The following WSCD1 variants were observed in gnomAD, a reference collection of about 807,000 sequenced individuals.
The protein encoded by WSCD1 is sialate:O-sulfotransferase 1.
In WSCD1, 41 loss-of-function variants were observed where a neutral mutation model predicts 60.4. That is an observed-to-expected ratio of 0.68 (90% CI 0.53 to 0.88). The LOEUF is 0.88. Ranked by LOEUF, WSCD1 falls within the 40% of genes least tolerant of loss-of-function variation. WSCD1 has a pLI of 0.00. For synonymous variants in WSCD1, 361 were observed against 332.5 expected (o/e 1.09, Z -0.93); for missense variants, 784 against 796.2 (o/e 0.98, Z 0.18).
chr17:6,073,191 C>T (rs2150524618), intron 1 of WSCD1, among the ~76,000 whole-genome samples: 1 of 152,350 alleles, frequency 6.6e-6, no homozygotes, highest in Non-Finnish European at 1.5e-5. Context: ...ACTCCACTCA[C>T]TTGTCCACCT....
chr17:6,083,081 G>T (rs1389990123), intron 2 of WSCD1, among the ~76,000 whole-genome samples: 1 of 152,206 alleles, frequency 6.6e-6, no homozygotes, highest in African/African-American at 2.4e-5. Flanking sequence ...ACACAGGCAT[G>T]ATTTCTGCAA....
intron 1 of WSCD1, among the ~76,000 whole-genome samples, chr17:6,079,474 G>A (rs1909086856): frequency 1.3e-5 from 2 of 152,212 alleles, no homozygotes; most frequent in South Asian, 4.1e-4. Flanking sequence ...TGAGTCCTGG[G>A]GAGTGGAGAG....
At chr17:6,092,225 G>A (rs1158267695) in intron 4 of WSCD1, among the ~76,000 whole-genome samples, 1 of 151,468 alleles carries the variant, frequency 6.6e-6, no homozygotes, top group Non-Finnish European at 1.5e-5. Flanking sequence ...GAGGGCTGTC[G>A]AGTGAGTTTT....
In WSCD1 at chr17:6,074,018, T is replaced by C. The variant is rs554089117; in HGVS notation, c.-289+3366T>C. ...ATCACTCATTCATTTGTTCATCTGATCATTCATCCAATGCACTTGACAGTT... is the reference window on the plus strand; with the variant it reads ...ATCACTCATTCATTTGTTCATCTGACCATTCATCCAATGCACTTGACAGTT... On this transcript the variant is annotated intron_variant, in intron 1 of 8. Coordinates refer to ENST00000317744, the MANE Select transcript of WSCD1 (RefSeq NM_015253.2). Among the ~76,000 whole-genome samples, 5 of 152,376 alleles carry C rather than the reference T, an allele frequency of 3.3e-5. No homozygotes were observed. In the South Asian group the frequency reaches 8.3e-4, roughly 25 times the overall value.
At chr17:6,077,304 G>A (rs1367825729) in intron 1 of WSCD1, among the ~76,000 whole-genome samples, 1 of 152,068 alleles carries the variant, frequency 6.6e-6, no homozygotes, top group Non-Finnish European at 1.5e-5. Flanking sequence ...GGCCAGGATG[G>A]TCTCCATCTC....
Position 6,080,731 on chromosome 17 carries a change from GC to G in WSCD1, c.75del (p.Tyr26ThrfsTer2). Reference sequence around the variant, plus strand: ...GTTCCTGCTGTTCTTCCTCACGGCTGCCTACCTGATGACCGGCAGCCTGCTG... The same window carrying G: ...GTTCCTGCTGTTCTTCCTCACGGCTGCTACCTGATGACCGGCAGCCTGCTG... ...TQFLLFFLTA[A>X]YLMTGSLLLL... On this transcript the variant is annotated frameshift_variant, in exon 2 of 9. Coordinates refer to ENST00000317744, the MANE Select transcript of WSCD1 (RefSeq NM_015253.2). LOFTEE classifies it high-confidence loss of function. This position sits in a 1 kb window ranked among gnomAD's most constrained non-coding sequence, Gnocchi z 6.6. 3 of 1,613,270 alleles carry G rather than the reference GC, an allele frequency of 1.9e-6. No homozygotes were observed. Among genetic ancestry groups the G allele is most frequent in the Non-Finnish European group, 2.5e-6 (3 of 1,179,906 alleles).
chr17:6,080,943 C>T lies in WSCD1; in HGVS notation c.285C>T (p.Pro95=). ...VDMLQSPLTR[P]RPGPRWLRSR... ...TGCTGCAGAGCCCCCTGACCCGGCC[C>T]CGGCCCGGCCCCCGCTGGCTCCGGA... The change falls in exon 2 of 9, where the codon CCC becomes CCT. Residue 95 remains proline, a synonymous_variant. Coordinates refer to ENST00000317744, the MANE Select transcript of WSCD1 (RefSeq NM_015253.2). The surrounding 1 kb of genome is among the most constrained non-coding windows in gnomAD (Gnocchi z 6.6). 1 of 1,567,206 alleles carries T rather than the reference C, an allele frequency of 6.4e-7. No individual in the cohort carries two copies. The highest frequency in any genetic ancestry group is 8.6e-7 in the Non-Finnish European group (1 of 1,160,748).
At chr17:6,112,709 A>G (rs1429988241) in intron 7 of WSCD1, among the ~76,000 whole-genome samples, 1 of 152,190 alleles carries the variant, frequency 6.6e-6, no homozygotes, top group Non-Finnish European at 1.5e-5. Context: ...TTAAATAGCT[A>G]TGAAAAAATA....
intron 7 of WSCD1, among the ~76,000 whole-genome samples, chr17:6,112,641 G>A (rs1325579601): frequency 6.6e-6 from 1 of 151,970 alleles, no homozygotes; most frequent in Non-Finnish European, 1.5e-5. Context: ...AAAATCAGTA[G>A]CATTTCCATA....
rs1567549747 is a variant in WSCD1, at chr17:6,080,802, A to C, written c.144A>C (p.Ala48=). The stretch of plus-strand genomic sequence containing the variant: ...TGGCTCTCCCACAGGGCCCCCGGGC[A>C]CCCGGCCCCCTGCAGACCTTGCCAG... ...VRVALPQGPR[A]PGPLQTLPVA... Residue 48 remains alanine, a synonymous_variant, in exon 2 of 9, where the codon GCA becomes GCC. Coordinates refer to ENST00000317744, the MANE Select transcript of WSCD1 (RefSeq NM_015253.2). This position sits in a 1 kb window ranked among gnomAD's most constrained non-coding sequence, Gnocchi z 6.6. 11 of 1,609,632 alleles carry C rather than the reference A, an allele frequency of 6.8e-6. No homozygotes were observed. Among genetic ancestry groups the C allele is most frequent in the Middle Eastern group, 1.7e-4 (1 of 6,032 alleles).
chr17:6,087,005 C>T (rs535764849), intron 2 of WSCD1, among the ~76,000 whole-genome samples: 71 of 152,320 alleles, frequency 4.7e-4, no homozygotes, highest in Non-Finnish European at 8.4e-4. Context: ...GAACGCGGCC[C>T]TTCCTGGGGA....
At chr17:6,111,844 C>T (rs1377593504) in intron 7 of WSCD1, among the ~76,000 whole-genome samples, 3 of 151,774 alleles carry the variant, frequency 2.0e-5, no homozygotes, top group Admixed American at 2.0e-4. Context: ...TAAGGAAACT[C>T]AGCATGATAC....
chr17:6,069,850 G>A (rs1417518592), upstream of WSCD1, among the ~76,000 whole-genome samples: 1 of 151,646 alleles, frequency 6.6e-6, no homozygotes. Flanking sequence ...TAAACTGTGT[G>A]GCTGTGTGTG....
intron 2 of WSCD1, among the ~76,000 whole-genome samples, chr17:6,087,368 G>A (rs987435084): frequency 2.0e-5 from 3 of 152,152 alleles, no homozygotes; most frequent in African/African-American, 7.2e-5. Flanking sequence ...AGGCCTCTGC[G>A]GTCACTTGGC....
intron 5 of WSCD1, among the ~76,000 whole-genome samples, chr17:6,109,278 T>C (rs926683014): frequency 5.9e-5 from 9 of 152,064 alleles, no homozygotes; most frequent in Non-Finnish European, 1.2e-4. Context: ...AAAACATGAT[T>C]CCAGCCTCTG....
At chr17:6,078,496 G>T (rs1229783043) in intron 1 of WSCD1, among the ~76,000 whole-genome samples, 2 of 152,194 alleles carry the variant, frequency 1.3e-5, no homozygotes, top group Admixed American at 1.3e-4. Flanking sequence ...AGGGTAGCTT[G>T]TGCAAAGGCA....
rs535131975 is a variant in WSCD1 at position 6,081,165 on chromosome 17, C to T, written c.427+80C>T. Reference sequence around the variant, plus strand: ...CACAGGTTTGGTGTCCCCTTTCTCTCTGCAGGCCTGTGGCCTTCACCGCTA... The same window carrying T: ...CACAGGTTTGGTGTCCCCTTTCTCTTTGCAGGCCTGTGGCCTTCACCGCTA... On this transcript the variant is annotated intron_variant, in intron 2 of 8. Transcript: ENST00000317744. 15 of 1,433,662 alleles carry T rather than the reference C, an allele frequency of 1.0e-5. No homozygotes were observed. In the South Asian group the frequency reaches 1.8e-4, roughly 17 times the overall value. The allele number at this position is 1,433,662 out of a possible 1,614,324, so 88.8% of individuals were successfully genotyped here. A position where few individuals can be genotyped will look rare whatever the true frequency, so the allele number is the denominator to read the frequency against.
upstream of WSCD1, among the ~76,000 whole-genome samples, chr17:6,069,994 T>C (rs1597345922): frequency 6.6e-6 from 1 of 151,922 alleles, no homozygotes; most frequent in African/African-American, 2.4e-5. Flanking sequence ...TCAGGCAGTG[T>C]GCGGCTGTCG....
chr17:6,072,973 A>C (rs559850400), intron 1 of WSCD1, among the ~76,000 whole-genome samples: 1 of 152,226 alleles, frequency 6.6e-6, no homozygotes, highest in Non-Finnish European at 1.5e-5. Flanking sequence ...GTAGCTGTTA[A>C]GGCCCCTCCC....
Sources: allele counts gnomAD v4.1 joint callset (sites outside exome capture counted in the v4.1 genomes callset), GRCh38; gene constraint gnomAD v4.1.1; non-coding constraint Gnocchi (gnomAD v3.1); transcripts MANE v1.5; gene names NCBI Gene and HGNC (gene_info 2026-07-23, HGNC 2026-07-21).